The following MAPK10 variants were observed in gnomAD, a reference collection of about 807,000 sequenced individuals.
The protein encoded by MAPK10 is mitogen-activated protein kinase 10, also known as JNK3 alpha protein kinase.
In MAPK10, 25 loss-of-function variants were observed where a neutral mutation model predicts 59.3. The ratio of observed to expected loss-of-function variants is 0.42; its 90% CI spans 0.31 to 0.59. MAPK10 has a LOEUF of 0.59. Among genes scored for constraint, MAPK10 ranks in the 20% least tolerant of loss-of-function variants. The pLI, the probability that MAPK10 is intolerant of heterozygous loss-of-function variation, is 0.15. For missense variants in MAPK10, 351 were observed against 568.9 expected (o/e 0.62, Z 3.90); for synonymous variants, 190 against 200.5 (o/e 0.95, Z 0.44).
At chr4:86,544,257 G>C (rs1326880284) in intron 1 of MAPK10, among the ~76,000 whole-genome samples, 2 of 152,168 alleles carry the variant, frequency 1.3e-5, no homozygotes, top group Admixed American at 6.5e-5. Flanking sequence ...CTAATGTGAA[G>C]TAGGGGAGCT....
At chr4:86,416,375 T>C (rs1217673204) in intron 1 of MAPK10, among the ~76,000 whole-genome samples, 1 of 152,248 alleles carries the variant, frequency 6.6e-6, no homozygotes, top group Non-Finnish European at 1.5e-5. Flanking sequence ...CTGAGCAGAC[T>C]GACACAAGAA....
chr4:86,374,242 C>T (rs1339721485), intron 1 of MAPK10, among the ~76,000 whole-genome samples: 1 of 151,936 alleles, frequency 6.6e-6, no homozygotes, highest in Admixed American at 6.6e-5. Flanking sequence ...GAATATCACA[C>T]ACCAGGGCCT....
intron 1 of MAPK10, among the ~76,000 whole-genome samples, chr4:86,557,999 C>A (rs1027223787): frequency 6.6e-6 from 1 of 151,998 alleles, no homozygotes; most frequent in African/African-American, 2.4e-5. Context: ...ATGGTTTATT[C>A]TTTTATGTAC....
intron 2 of MAPK10, among the ~76,000 whole-genome samples, chr4:86,319,699 C>A (rs2095853758): frequency 6.6e-6 from 1 of 152,166 alleles, no homozygotes; most frequent in African/African-American, 2.4e-5. Context: ...ACCTGCTCAG[C>A]CCTTGAACAA....
At chr4:86,084,337 T>C (rs1237102462) in intron 9 of MAPK10, among the ~76,000 whole-genome samples, 1 of 152,224 alleles carries the variant, frequency 6.6e-6, no homozygotes, top group East Asian at 1.9e-4. Flanking sequence ...GCAGATGATA[T>C]GATGTTATGC....
chr4:86,031,499 C>A, intron 11 of MAPK10, 68 bp from the exon 12 acceptor site: 1 of 1,036,510 alleles, frequency 9.6e-7, no homozygotes, highest in Non-Finnish European at 1.5e-6. Context: ...TTACAATGCA[C>A]GAGAATACCT....
intron 1 of MAPK10, among the ~76,000 whole-genome samples, chr4:86,413,962 C>A (rs942426151): frequency 6.6e-6 from 1 of 152,154 alleles, no homozygotes; most frequent in Non-Finnish European, 1.5e-5. Context: ...AACCAGGTAC[C>A]CCAGTTGGAA....
chr4:86,027,346 A>C (rs1321675212), intron 13 of MAPK10: 1 of 152,202 alleles, frequency 6.6e-6, no homozygotes, highest in Non-Finnish European at 1.5e-5. Flanking sequence ...GGTAGAGCCT[A>C]AGTTGCATAT....
At chr4:86,459,925 T>G (rs559578657) in intron 1 of MAPK10, among the ~76,000 whole-genome samples, 1 of 152,040 alleles carries the variant, frequency 6.6e-6, no homozygotes, top group South Asian at 2.1e-4. Context: ...AATAAAAAAT[T>G]TAATTAAAAA....
chr4:86,116,217 A>G (rs563379578), intron 4 of MAPK10, among the ~76,000 whole-genome samples: 1 of 152,300 alleles, frequency 6.6e-6, no homozygotes, highest in Admixed American at 6.5e-5. Context: ...ATAAGAAAGT[A>G]CCTTTCCATG....
intron 1 of MAPK10, among the ~76,000 whole-genome samples, chr4:86,485,755 T>C (rs569824369): frequency 6.6e-6 from 1 of 152,338 alleles, no homozygotes; most frequent in African/African-American, 2.4e-5. Context: ...TAATTACAGT[T>C]ACACAGGCCT....
chr4:86,140,672 T>C (rs1172264345), intron 4 of MAPK10, among the ~76,000 whole-genome samples: 1 of 151,274 alleles, frequency 6.6e-6, no homozygotes, highest in African/African-American at 2.4e-5. Flanking sequence ...ACCCTAAAAC[T>C]TAAAGTATAA....
chr4:86,542,395 T>A (rs937773014), intron 1 of MAPK10: 1 of 152,170 alleles, frequency 6.6e-6, no homozygotes, highest in Non-Finnish European at 1.5e-5. Flanking sequence ...GCCCCAAATT[T>A]CTTTATCTGT....
intron 1 of MAPK10, among the ~76,000 whole-genome samples, chr4:86,578,302 AT>A (rs1213301916): frequency 6.6e-6 from 1 of 152,140 alleles, no homozygotes; most frequent in Non-Finnish European, 1.5e-5. Context: ...CAAAATATCA[AT>A]TGTGCTTTGG....
rs114910683 is a variant in MAPK10, at chr4:86,346,583, G to A, written c.-7+7947C>T. On this transcript the variant is annotated intron_variant, in intron 2 of 13. Coordinates refer to ENST00000641462, the MANE Select transcript of MAPK10 (RefSeq NM_138982.4). ...CTGAAACTCACAAAAGATGAAATATGGTCATTCCTTGGTATATCCGGGACC... is the reference window on the plus strand; with the variant it reads ...CTGAAACTCACAAAAGATGAAATATAGTCATTCCTTGGTATATCCGGGACC... 8.7e-3 allele frequency among the ~76,000 whole-genome samples: 1,323 copies of A among 152,078 alleles called. 23 individuals carry two copies. Among genetic ancestry groups the A allele is most frequent in the African/African-American group, 0.03 (1,242 of 41,518 alleles).
chr4:86,109,139 T>A (rs1428706287), intron 4 of MAPK10, among the ~76,000 whole-genome samples: 3 of 152,208 alleles, frequency 2.0e-5, no homozygotes, highest in African/African-American at 7.2e-5. Flanking sequence ...CATTCAACAA[T>A]CCTGTTCTGA....
chr4:86,548,255 T>C (rs187697310), intron 1 of MAPK10, among the ~76,000 whole-genome samples: 1 of 150,304 alleles, frequency 6.7e-6, no homozygotes, highest in Non-Finnish European at 1.5e-5. Flanking sequence ...ACCACAAAGG[T>C]CCGCAGTTTC....
intron 2 of MAPK10, among the ~76,000 whole-genome samples, chr4:86,265,043 A>G (rs1383372092): frequency 1.3e-5 from 2 of 151,840 alleles, no homozygotes; most frequent in Non-Finnish European, 2.9e-5. Flanking sequence ...GGTGTGTGCT[A>G]CGACACCCAG....
intron 12 of MAPK10, among the ~76,000 whole-genome samples, chr4:86,030,020 T>C (rs1396410758): frequency 6.6e-6 from 1 of 152,204 alleles, no homozygotes; most frequent in East Asian, 1.9e-4. Context: ...TGCTTTGCAA[T>C]GGCTTATAAT....
Sources: allele counts gnomAD v4.1 joint callset (sites outside exome capture counted in the v4.1 genomes callset), GRCh38; gene constraint gnomAD v4.1.1; transcripts MANE v1.5; gene names NCBI Gene and HGNC (gene_info 2026-07-23, HGNC 2026-07-21).